ADAMTSL1: variants seen among roughly 807,000 people sequenced by gnomAD.
ADAMTSL1 encodes the protein ADAMTS-like protein 1.
Under a neutral mutation model 201.8 loss-of-function variants are expected in ADAMTSL1, and 126 were observed. The ratio of observed to expected loss-of-function variants is 0.62; its 90% CI spans 0.54 to 0.72. The LOEUF (loss-of-function observed/expected upper bound fraction) is 0.72. Ranked by LOEUF, ADAMTSL1 falls within the 30% of genes least tolerant of loss-of-function variation. ADAMTSL1 has a pLI of 0.00. For synonymous variants in ADAMTSL1, 1,121 were observed against 903.4 expected, an observed-to-expected ratio of 1.24 and a Z score of -4.32; for missense variants, 2,679 against 2,277.8, an observed-to-expected ratio of 1.18 and a Z score of -3.59.
intron 11 of ADAMTSL1, 124 bp downstream of exon 11, chr9:18,680,640 G>T (rs1312147118): frequency 5.8e-6 from 6 of 1,038,664 alleles, no homozygotes; most frequent in Non-Finnish European, 7.1e-6. Context: ...AAGCCTACCA[G>T]CTTAGCTCCT....
chr9:18,075,538 G>T (rs1823182041), intron 1 of ADAMTSL1, among the ~76,000 whole-genome samples: 1 of 151,294 alleles, frequency 6.6e-6, no homozygotes, highest in Middle Eastern at 3.4e-3. Context: ...TTTTATAAAA[G>T]TCAATTTCAT....
At chr9:18,316,289 C>G (rs1282164876) in intron 2 of ADAMTSL1, among the ~76,000 whole-genome samples, 1 of 152,042 alleles carries the variant, frequency 6.6e-6, no homozygotes, top group Admixed American at 6.5e-5. Flanking sequence ...TATCAGGAGA[C>G]AGGGTTTTGA....
At chr9:18,067,308 A>T (rs1586976224) in intron 1 of ADAMTSL1, among the ~76,000 whole-genome samples, 1 of 152,164 alleles carries the variant, frequency 6.6e-6, no homozygotes, top group African/African-American at 2.4e-5. Context: ...TGTTTTACTT[A>T]CTTAAAGAGT....
At chr9:18,268,372 T>G (rs931751975) in intron 2 of ADAMTSL1, among the ~76,000 whole-genome samples, 1 of 152,176 alleles carries the variant, frequency 6.6e-6, no homozygotes, top group African/African-American at 2.4e-5. Flanking sequence ...TTATTTGGTT[T>G]ATCAGTTTTA....
In ADAMTSL1 at chr9:18,224,263, C is replaced by T. The variant is rs982926661; in HGVS notation, c.207+60282C>T. Among the ~76,000 whole-genome samples the T allele has an allele frequency of 8.5e-5, 13 of 152,218 alleles. No individual in the cohort carries two copies. In the East Asian group the frequency reaches 1.2e-3, roughly 14 times the overall value. On this transcript the variant is annotated intron_variant, in intron 2 of 29. Transcript: ENST00000680146. ...TCCAAGATCAAGACACCAGCAGGTT[C>T]GGTGTCTGGTCTCTGCTTTCAAGAT...
chr9:18,517,800 A>G (rs1818454700), intron 2 of ADAMTSL1, among the ~76,000 whole-genome samples: 1 of 152,048 alleles, frequency 6.6e-6, no homozygotes, highest in Non-Finnish European at 1.5e-5. Flanking sequence ...CCAGTCTATC[A>G]TTGTTGGACA....
intron 2 of ADAMTSL1, among the ~76,000 whole-genome samples, chr9:18,274,105 A>G (rs1193882772): frequency 1.3e-5 from 2 of 152,250 alleles, no homozygotes; most frequent in Non-Finnish European, 2.9e-5. Flanking sequence ...AGGAATTTAG[A>G]TATCTCTCAC....
At chr9:18,724,072 C>T (rs953222143) in intron 15 of ADAMTSL1, among the ~76,000 whole-genome samples, 2 of 152,124 alleles carry the variant, frequency 1.3e-5, no homozygotes, top group Middle Eastern at 3.2e-3. Flanking sequence ...TAGACCGTGT[C>T]CTTTGGGGTC....
intron 1 of ADAMTSL1, among the ~76,000 whole-genome samples, chr9:18,035,567 C>A (rs765813219): frequency 7.9e-5 from 12 of 152,082 alleles, no homozygotes; most frequent in African/African-American, 2.4e-4. Flanking sequence ...CAGATGATCC[C>A]CTTCTCAATG....
At chr9:18,426,178 A>G (rs970225227) in intron 2 of ADAMTSL1, among the ~76,000 whole-genome samples, 1 of 134,794 alleles carries the variant, frequency 7.4e-6, no homozygotes, top group Non-Finnish European at 1.5e-5. Context: ...CTTGGTTAAG[A>G]AAAAAATCCC....
chr9:18,868,337 T>A (rs185830457), intron 23 of ADAMTSL1, among the ~76,000 whole-genome samples: 235 of 152,318 alleles, frequency 1.5e-3, no homozygotes, highest in Non-Finnish European at 2.6e-3. Context: ...ATGTATTACA[T>A]TTTCCTCCTT....
Position 18,733,142 on chromosome 9 carries a change from C to T in ADAMTSL1, c.2006+11477C>T, listed in dbSNP as rs1243597167. ...CACCCCATCTGTCTCTCACACTGTC[C>T]TGGGTACTGTGCTGTAACCGTGGGA... On this transcript the variant is annotated intron_variant, in intron 15 of 28. Coordinates refer to ENST00000380548, the MANE Select transcript of ADAMTSL1 (RefSeq NM_001040272.6). Among the ~76,000 whole-genome samples the T allele has an allele frequency of 2.6e-5, 4 of 152,140 alleles. No homozygotes were observed. The East Asian group carries it at 7.7e-4, about 29-fold the overall frequency.
Position 18,034,856 on chromosome 9 carries a change from C to G in ADAMTSL1, c.87+127934C>G, listed in dbSNP as rs181042631. On this transcript the variant is annotated intron_variant, in intron 1 of 29. Transcript: ENST00000680146. ...TTTATAAAGGAAAAGTTGTATTCGT[C>G]TCTGAGCTGAATATTTCAGTCTTTC... Among the ~76,000 whole-genome samples the G allele has an allele frequency of 5.3e-5, 8 of 152,298 alleles. 1 individual carries two copies. In the East Asian group the frequency reaches 1.2e-3, roughly 22 times the overall value.
intron 1 of ADAMTSL1, among the ~76,000 whole-genome samples, chr9:18,111,421 T>C (rs1361667612): frequency 6.6e-6 from 1 of 152,192 alleles, no homozygotes; most frequent in Non-Finnish European, 1.5e-5. Flanking sequence ...TATTTACACT[T>C]AACTCATCAG....
chr9:18,387,800 A>C (rs1470034022), intron 2 of ADAMTSL1, among the ~76,000 whole-genome samples: 4 of 152,096 alleles, frequency 2.6e-5, no homozygotes, highest in Admixed American at 2.0e-4. Context: ...TTGAGTGCAG[A>C]GCTATGAATT....
chr9:17,950,749 G>A (rs1439064395), intron 1 of ADAMTSL1, among the ~76,000 whole-genome samples: 1 of 151,976 alleles, frequency 6.6e-6, no homozygotes, highest in African/African-American at 2.4e-5. Flanking sequence ...GAAAACAGAT[G>A]GCACGGCACA....
At chr9:18,148,937 G>GT (rs1317672826) in intron 1 of ADAMTSL1, among the ~76,000 whole-genome samples, 1 of 152,030 alleles carries the variant, frequency 6.6e-6, no homozygotes, top group Non-Finnish European at 1.5e-5. Context: ...CCACTTTAGT[G>GT]TTTTTGTTTT....
chr9:17,947,863 G>A (rs1452901378), intron 1 of ADAMTSL1, among the ~76,000 whole-genome samples: 1 of 152,128 alleles, frequency 6.6e-6, no homozygotes, highest in East Asian at 1.9e-4. Flanking sequence ...GAAAAGTCAT[G>A]CGTCAAAGAG....
At chr9:17,985,235 A>G (rs1003446024) in intron 1 of ADAMTSL1, among the ~76,000 whole-genome samples, 14 of 152,226 alleles carry the variant, frequency 9.2e-5, no homozygotes, top group African/African-American at 3.1e-4. Flanking sequence ...AGAATTTTGA[A>G]TAGAATGATG....
Sources: gnomAD v4.1 joint callset for allele counts (sites outside exome capture counted in the v4.1 genomes callset) on GRCh38, gnomAD v4.1.1 for gene constraint, MANE v1.5 for transcripts, NCBI Gene and HGNC (gene_info 2026-07-23, HGNC 2026-07-21) for gene names.